CTNNA2: variants seen among roughly 807,000 people sequenced by gnomAD.
CTNNA2 encodes catenin alpha 2.
CTNNA2 carries 42 observed loss-of-function variants against 101.0 expected under a neutral mutation model. That is an observed-to-expected ratio of 0.42 (90% CI 0.32 to 0.54). The LOEUF is 0.54. CTNNA2 is among the 20% of genes least tolerant of loss of function. CTNNA2 has a pLI of 0.14. For missense variants in CTNNA2, 871 were observed against 1,223.1 expected (o/e 0.71, Z 4.29); for synonymous variants, 450 against 456.4 (o/e 0.99, Z 0.18).
intron 9 of CTNNA2, among the ~76,000 whole-genome samples, chr2:80,534,557 C>T (rs1690825413): frequency 6.6e-6 from 1 of 152,160 alleles, no homozygotes; most frequent in South Asian, 2.1e-4. Context: ...AGTAGGGATT[C>T]TGTCCTGCAA....
At chr2:80,311,741 T>C (rs78185268) in intron 7 of CTNNA2, among the ~76,000 whole-genome samples, 3,074 of 152,370 alleles carry the variant, frequency 0.02, 88 homozygotes, top group African/African-American at 0.061. Context: ...CCTGTTTCAC[T>C]CTCATAAGAA....
intron 7 of CTNNA2, among the ~76,000 whole-genome samples, chr2:80,033,149 A>C (rs1695409905): frequency 2.6e-5 from 3 of 113,922 alleles, no homozygotes; most frequent in Admixed American, 1.7e-4. Flanking sequence ...ACTCCATCTC[A>C]AAAAAAAAAA....
At chr2:79,649,076 C>A (rs1406144051) in intron 1 of CTNNA2, among the ~76,000 whole-genome samples, 1 of 152,042 alleles carries the variant, frequency 6.6e-6, no homozygotes, top group African/African-American at 2.4e-5. Context: ...CCCTAACTAA[C>A]ACTTGCTTCT....
chr2:79,919,262 G>T (rs1449690258), intron 7 of CTNNA2, among the ~76,000 whole-genome samples: 1 of 152,114 alleles, frequency 6.6e-6, no homozygotes, highest in Non-Finnish European at 1.5e-5. Flanking sequence ...CTTATCCATG[G>T]CAGACTTCTC....
At chr2:79,893,579 T>A (rs1289740671) in intron 6 of CTNNA2, among the ~76,000 whole-genome samples, 1 of 152,152 alleles carries the variant, frequency 6.6e-6, no homozygotes, top group Non-Finnish European at 1.5e-5. Flanking sequence ...TGGTGGCCAA[T>A]TGCCACACCC....
intron 7 of CTNNA2, among the ~76,000 whole-genome samples, chr2:80,052,875 G>A (rs1364469946): frequency 6.6e-6 from 1 of 152,256 alleles, no homozygotes; most frequent in African/African-American, 2.4e-5. Flanking sequence ...AGTACAGATG[G>A]GAGAGAGGAT....
At chr2:80,090,620 C>A (rs746761303) in intron 7 of CTNNA2, among the ~76,000 whole-genome samples, 1 of 151,978 alleles carries the variant, frequency 6.6e-6, no homozygotes, top group Non-Finnish European at 1.5e-5. Flanking sequence ...ATGCAGTGTG[C>A]ACTTGTGTGT....
intron 4 of CTNNA2, among the ~76,000 whole-genome samples, chr2:79,400,131 A>C (rs1420672463): frequency 6.6e-6 from 1 of 152,018 alleles, no homozygotes; most frequent in Admixed American, 6.6e-5. Context: ...CCAGGTCATA[A>C]ATAGATAAGA....
chr2:79,647,273 C>A (rs1033000024), intron 1 of CTNNA2, among the ~76,000 whole-genome samples: 1 of 152,050 alleles, frequency 6.6e-6, no homozygotes, highest in African/African-American at 2.4e-5. Flanking sequence ...CCTGTTACTT[C>A]AGAGATAAAG....
At chr2:79,507,085 A>G (rs1246564754) in intron 5 of CTNNA2, among the ~76,000 whole-genome samples, 2 of 152,182 alleles carry the variant, frequency 1.3e-5, no homozygotes, top group African/African-American at 4.8e-5. Flanking sequence ...CCTACTCCAT[A>G]TGGTTAATTC....
At position 80,619,108 on chromosome 2, in the gene CTNNA2, T is replaced by A; in HGVS notation, c.2454T>A (p.Thr818=). The A allele has an allele frequency of 6.5e-7, 1 of 1,535,500 alleles. No homozygotes were observed. The highest frequency in any genetic ancestry group is 8.8e-7 in the Non-Finnish European group (1 of 1,138,480). The change falls in exon 18 of 19, where the codon ACT becomes ACA. Residue 818 remains threonine, a synonymous_variant. Transcript: ENST00000402739. The stretch of plus-strand genomic sequence containing the variant: ...AGACAGGAGTTCAGAGCACTTTCAC[T>A]ACCTTTTATGAGGTAGATTGTGATG... The part of the protein sequence containing the change: ...VSGTGVQSTF[T]TFYEVDCDVI...
intron 16 of CTNNA2, among the ~76,000 whole-genome samples, chr2:80,606,410 A>ACCC (rs761596902): frequency 1.7e-5 from 1 of 60,334 alleles, no homozygotes; most frequent in East Asian, 5.0e-4. Context: ...ACACACACAC[A>ACCC]CACCCCCCAG....
intron 7 of CTNNA2, among the ~76,000 whole-genome samples, chr2:80,181,648 A>G (rs1705787552): frequency 6.6e-6 from 1 of 152,176 alleles, no homozygotes. Flanking sequence ...AGAATCCCCG[A>G]GTTCATCATT....
chr2:80,499,648 C>A (rs1048750504), intron 9 of CTNNA2, among the ~76,000 whole-genome samples: 1 of 151,978 alleles, frequency 6.6e-6, no homozygotes, highest in Admixed American at 6.6e-5. Context: ...CACAGCAAAA[C>A]CCTGTCTGTT....
At chr2:79,657,696 A>G (rs1371203008) in intron 2 of CTNNA2, among the ~76,000 whole-genome samples, 1 of 151,842 alleles carries the variant, frequency 6.6e-6, no homozygotes, top group Non-Finnish European at 1.5e-5. Flanking sequence ...TACCTAAGCT[A>G]TTAGTAAATA....
At chr2:79,734,966 G>A (rs1670767572) in intron 2 of CTNNA2, among the ~76,000 whole-genome samples, 1 of 152,116 alleles carries the variant, frequency 6.6e-6, no homozygotes, top group African/African-American at 2.4e-5. Flanking sequence ...TCCCATTGAG[G>A]TAAGTGGTAT....
chr2:79,963,537 T>C (rs1384015404), intron 7 of CTNNA2, among the ~76,000 whole-genome samples: 1 of 152,198 alleles, frequency 6.6e-6, no homozygotes, highest in Non-Finnish European at 1.5e-5. Context: ...CACTCACTGC[T>C]GTCATACCAA....
intron 7 of CTNNA2, among the ~76,000 whole-genome samples, chr2:79,951,079 G>T (rs1004273469): frequency 3.9e-5 from 6 of 152,112 alleles, no homozygotes; most frequent in Admixed American, 1.3e-4. Context: ...AATCATCAGA[G>T]AATTTTTAAA....
chr2:80,407,597 C>T (rs946955597), intron 8 of CTNNA2, among the ~76,000 whole-genome samples: 2 of 152,186 alleles, frequency 1.3e-5, no homozygotes, highest in Admixed American at 6.5e-5. Flanking sequence ...GAGAGTCTGC[C>T]AATCCCTGCT....
Sources: allele counts gnomAD v4.1 joint callset (sites outside exome capture counted in the v4.1 genomes callset), GRCh38; gene constraint gnomAD v4.1.1; transcripts MANE v1.5; gene names NCBI Gene and HGNC (gene_info 2026-07-23, HGNC 2026-07-21).